The following SH3BP5 variants were observed in gnomAD, a reference collection of about 807,000 sequenced individuals.
SH3BP5 encodes SH3 domain binding protein 5.
Under a neutral mutation model 43.3 loss-of-function variants are expected in SH3BP5, and 22 were observed. The observed-to-expected ratio is 0.51, with a 90% confidence interval of 0.36 to 0.73. SH3BP5 has a LOEUF of 0.73. Among genes scored for constraint, SH3BP5 ranks in the 30% least tolerant of loss-of-function variants. The pLI is 0.00. For missense variants in SH3BP5, 529 were observed against 586.9 expected (o/e 0.90, Z 1.02); for synonymous variants, 255 against 225.8 (o/e 1.13, Z -1.16).
intron 5 of SH3BP5, among the ~76,000 whole-genome samples, chr3:15,261,332 G>A (rs746289838): frequency 6.6e-6 from 1 of 152,200 alleles, no homozygotes; most frequent in Non-Finnish European, 1.5e-5. Context: ...TGAAGGTACT[G>A]GGGGGTAGTA....
At position 15,305,365 on chromosome 3, in the gene SH3BP5, G is replaced by A. The variant is rs55757434; in HGVS notation, c.202-1134C>T. ...ATGCTGTCAATGTTAAACACTGAGT[G>A]CAAATTTATTTATTTATTTACCACA... On this transcript the variant is annotated intron_variant, in intron 2 of 8. Coordinates refer to ENST00000383791, the MANE Select transcript of SH3BP5 (RefSeq NM_004844.5). 3.2e-3 allele frequency among the ~76,000 whole-genome samples: 494 copies of A among 152,296 alleles called. 3 individuals are homozygous for A. Among genetic ancestry groups the A allele is most frequent in the Non-Finnish European group, 4.1e-3 (279 of 68,026 alleles).
chr3:15,259,014 G>C lies in SH3BP5; in HGVS notation c.706C>G (p.Leu236Val), dbSNP rs1475165497. The change falls in exon 7 of 9, where the codon CTG becomes GTG. Residue 236 changes from leucine to valine, a missense_variant. Coordinates refer to ENST00000383791, the MANE Select transcript of SH3BP5 (RefSeq NM_004844.5). ...TTGTACTCGCCTTTTGCCAGGGTCA[G>C]TTTGGCCTGCAGGTCATCCACAGTC... Reference protein sequence around the residue: ...KKTVDDLQAKLTLAKGEYKMA... With the variant: ...KKTVDDLQAKVTLAKGEYKMA... 5 of 1,614,240 alleles carry C rather than the reference G, an allele frequency of 3.1e-6. No homozygotes were observed. The highest frequency in any genetic ancestry group is 1.3e-5 in the African/African-American group (1 of 75,062).
At chr3:15,287,775 G>A (rs576503901) in intron 3 of SH3BP5, among the ~76,000 whole-genome samples, 5 of 152,200 alleles carry the variant, frequency 3.3e-5, no homozygotes, top group South Asian at 4.2e-4. Flanking sequence ...AGAACACCAC[G>A]ACGTACCCTG....
At chr3:15,274,711 A>G (rs963205943) in intron 3 of SH3BP5, among the ~76,000 whole-genome samples, 1 of 152,002 alleles carries the variant, frequency 6.6e-6, no homozygotes, top group Non-Finnish European at 1.5e-5. Flanking sequence ...CACCAATAAT[A>G]ATTTTTGTAT....
intron 2 of SH3BP5, among the ~76,000 whole-genome samples, chr3:15,322,439 A>C (rs1399775949): frequency 6.6e-6 from 1 of 152,228 alleles, no homozygotes; most frequent in Admixed American, 6.5e-5. Flanking sequence ...TTACATGTTC[A>C]TGAGCCAACA....
At chr3:15,296,341 T>TACACACACACACACACAC (rs141504303) in intron 3 of SH3BP5, among the ~76,000 whole-genome samples, 34 of 146,256 alleles carry the variant, frequency 2.3e-4, no homozygotes, top group African/African-American at 8.1e-4. Context: ...GGAAATCATA[T>TACACACACACACACACAC]ACACACACAC....
At chr3:15,331,192 C>T (rs942701126) in intron 1 of SH3BP5, among the ~76,000 whole-genome samples, 7 of 152,216 alleles carry the variant, frequency 4.6e-5, no homozygotes, top group Non-Finnish European at 7.3e-5. Context: ...AAGGATCTTG[C>T]TAACATAATC....
At position 15,338,091 on chromosome 3, in the gene SH3BP5, C is replaced by T. The variant is rs147311288; in HGVS notation, c.-402+3132G>A. Reference sequence around the variant, plus strand: ...GCGTGCTGGCCCACATCTGTAATCCCAGCACTTTGGGAGGCCAATGTGGGA... The same window carrying T: ...GCGTGCTGGCCCACATCTGTAATCCTAGCACTTTGGGAGGCCAATGTGGGA... On this transcript the variant is annotated intron_variant, in intron 1 of 8. Transcript: ENST00000408919. Among the ~76,000 whole-genome samples, 1,145 of 151,742 alleles carry T rather than the reference C, an allele frequency of 7.5e-3. 8 individuals are homozygous for T. Among genetic ancestry groups the T allele is most frequent in the Admixed American group, 0.016 (249 of 15,232 alleles).
chr3:15,274,987 C>T (rs1328352084), intron 3 of SH3BP5, among the ~76,000 whole-genome samples: 4 of 152,216 alleles, frequency 2.6e-5, no homozygotes, highest in African/African-American at 4.8e-5. Context: ...CCTCCAACAT[C>T]GCTGATTACA....
Position 15,332,471 on chromosome 3 carries a change from A to G in SH3BP5, c.-63T>C. ...GAGCGCCCCGGGGGTCGCGGCTGCC[A>G]CAGGCTGGGCTGGAGCCGCCTCGCC... On this transcript the variant is annotated 5_prime_UTR_variant, in exon 1 of 9. Coordinates refer to ENST00000383791, the MANE Select transcript of SH3BP5 (RefSeq NM_004844.5). The G allele has an allele frequency of 2.8e-6, 4 of 1,441,160 alleles. No individual in the cohort carries two copies. Among genetic ancestry groups the G allele is most frequent in the Non-Finnish European group, 3.6e-6 (4 of 1,103,460 alleles). 89.3% of individuals were successfully genotyped at this position (1,441,160 alleles called of 1,614,324 possible). A position where few individuals can be genotyped will look rare whatever the true frequency, so the allele number is the denominator to read the frequency against.
At chr3:15,316,279 C>G (rs1698183492) in intron 2 of SH3BP5, among the ~76,000 whole-genome samples, 1 of 121,748 alleles carries the variant, frequency 8.2e-6, no homozygotes, top group Non-Finnish European at 1.6e-5. Flanking sequence ...GGCTGGAGTA[C>G]AGTGGCACGA....
At chr3:15,293,286 C>T (rs1368928501) in intron 3 of SH3BP5, among the ~76,000 whole-genome samples, 2 of 152,224 alleles carry the variant, frequency 1.3e-5, no homozygotes, top group African/African-American at 4.8e-5. Context: ...GGGAATGTGA[C>T]CAGGGCCACA....
intron 3 of SH3BP5, among the ~76,000 whole-genome samples, chr3:15,286,421 A>C (rs946075354): frequency 2.6e-5 from 4 of 152,246 alleles, no homozygotes; most frequent in Non-Finnish European, 4.4e-5. Context: ...GGCTGGGAAC[A>C]AACTTCAGCC....
At chr3:15,294,290 AGT>A (rs10522979) in intron 3 of SH3BP5, among the ~76,000 whole-genome samples, 18,580 of 137,956 alleles carry the variant, frequency 0.13, 1,194 homozygotes, top group East Asian at 0.21. Context: ...TGCAAAAGTA[AGT>A]GTGTGTGTGT....
upstream of SH3BP5, among the ~76,000 whole-genome samples, chr3:15,333,647 AAAT>A (rs1698665454): frequency 6.6e-6 from 1 of 152,154 alleles, no homozygotes; most frequent in Non-Finnish European, 1.5e-5. Flanking sequence ...TCAAATGAAT[AAAT>A]AGTCCTGCTC....
Position 15,257,004 on chromosome 3 carries a change from C to T in SH3BP5, c.999G>A (p.Glu333=). 6.2e-7 allele frequency: 1 copy of T among 1,614,244 alleles called. No homozygotes were observed. The highest frequency in any genetic ancestry group is 8.5e-7 in the Non-Finnish European group (1 of 1,180,048). Residue 333 remains glutamate, a synonymous_variant, in exon 8 of 9, where the codon GAG becomes GAA. Transcript: ENST00000383791. The part of the protein sequence containing the change: ...SFSSGPTSPS[E]MPDQFPAVVR... ...CAACCGCAGGGAACTGGTCAGGCATCTCAGACGGGCTTGTTGGTCCTGAAC... is the reference window on the plus strand; with the variant it reads ...CAACCGCAGGGAACTGGTCAGGCATTTCAGACGGGCTTGTTGGTCCTGAAC...
chr3:15,318,838 CT>C (rs1238106590), intron 2 of SH3BP5, among the ~76,000 whole-genome samples: 1 of 152,058 alleles, frequency 6.6e-6, no homozygotes, highest in Non-Finnish European at 1.5e-5. Context: ...TCCCAAACTA[CT>C]GGGATTATGG....
At chr3:15,261,612 G>C (rs1375990516) in intron 5 of SH3BP5, among the ~76,000 whole-genome samples, 1 of 151,908 alleles carries the variant, frequency 6.6e-6, no homozygotes, top group Non-Finnish European at 1.5e-5. Context: ...CAGGGGGCTT[G>C]TCCCCAAGAG....
chr3:15,257,967 G>T (rs988986914), intron 7 of SH3BP5: 3 of 152,230 alleles, frequency 2.0e-5, no homozygotes, highest in African/African-American at 7.2e-5. Flanking sequence ...ACTACTTGCT[G>T]TGTGACCTTG....
Sources: allele counts gnomAD v4.1 joint callset (sites outside exome capture counted in the v4.1 genomes callset), GRCh38; gene constraint gnomAD v4.1.1; transcripts MANE v1.5; gene names NCBI Gene and HGNC (gene_info 2026-07-23, HGNC 2026-07-21).